CPQ: variants seen among roughly 807,000 people sequenced by gnomAD.
CPQ encodes the protein Ser-Met dipeptidase.
Under a neutral mutation model 45.7 loss-of-function variants are expected in CPQ, and 37 were observed. The observed-to-expected ratio is 0.81, with a 90% CI of 0.62 to 1.07. The LOEUF (loss-of-function observed/expected upper bound fraction) is 1.07. Ranked by LOEUF, CPQ falls within the 50% of genes least tolerant of loss-of-function variation. The pLI is 0.00. For synonymous variants in CPQ, 186 were observed against 205.8 expected, an observed-to-expected ratio of 0.90 and a Z score of 0.82; for missense variants, 537 against 572.9, an observed-to-expected ratio of 0.94 and a Z score of 0.64.
chr8:96,906,679 T>A (rs765708331), intron 4 of CPQ, among the ~76,000 whole-genome samples: 53 of 152,200 alleles, frequency 3.5e-4, no homozygotes, highest in African/African-American at 5.3e-4. Context: ...TAGATGGGGC[T>A]TTTTTGCTAT....
intron 5 of CPQ, among the ~76,000 whole-genome samples, chr8:96,966,759 C>T (rs561641087): frequency 1.3e-5 from 2 of 152,222 alleles, no homozygotes; most frequent in South Asian, 4.1e-4. Context: ...TTAAAGAAAA[C>T]AAACTAATTG....
intron 1 of CPQ, among the ~76,000 whole-genome samples, chr8:96,774,355 A>G (rs1586395157): frequency 1.3e-5 from 2 of 152,266 alleles, no homozygotes; most frequent in South Asian, 4.1e-4. Context: ...AATACTGAAC[A>G]GTAAATAGTG....
At chr8:96,984,059 C>G (rs886506999) in intron 5 of CPQ, among the ~76,000 whole-genome samples, 2 of 151,898 alleles carry the variant, frequency 1.3e-5, no homozygotes, top group Non-Finnish European at 2.9e-5. Context: ...GTTTTTCTTA[C>G]CCTCTCTCCT....
chr8:97,079,190 G>C (rs1199106518), intron 7 of CPQ, among the ~76,000 whole-genome samples: 1 of 152,034 alleles, frequency 6.6e-6, no homozygotes, highest in African/African-American at 2.4e-5. Context: ...TATAATGTGG[G>C]GAAGAGAATA....
At chr8:97,113,758 G>T (rs1324564289) in intron 7 of CPQ, among the ~76,000 whole-genome samples, 3 of 152,198 alleles carry the variant, frequency 2.0e-5, no homozygotes, top group Non-Finnish European at 4.4e-5. Context: ...TAACATTAAG[G>T]GAATAAAACG....
At chr8:97,078,476 G>A (rs1179016868) in intron 7 of CPQ, among the ~76,000 whole-genome samples, 1 of 151,954 alleles carries the variant, frequency 6.6e-6, no homozygotes, top group African/African-American at 2.4e-5. Context: ...TTTAAGTTGA[G>A]GACTATAAAA....
chr8:96,954,241 A>T (rs1351047187), intron 4 of CPQ, among the ~76,000 whole-genome samples: 1 of 152,158 alleles, frequency 6.6e-6, no homozygotes, highest in East Asian at 1.9e-4. Flanking sequence ...AATTGAGAAA[A>T]AAAGTCCACT....
intron 6 of CPQ, among the ~76,000 whole-genome samples, chr8:97,045,561 A>G (rs572030780): frequency 2.0e-5 from 3 of 152,326 alleles, no homozygotes; most frequent in African/African-American, 7.2e-5. Flanking sequence ...GAAATGCAGA[A>G]ATCACCTGTC....
chr8:96,802,900 A>G (rs1811024833), intron 2 of CPQ, among the ~76,000 whole-genome samples: 1 of 152,162 alleles, frequency 6.6e-6, no homozygotes, highest in Non-Finnish European at 1.5e-5. Context: ...GAATTATCCT[A>G]CGAAGACTTA....
intron 6 of CPQ, among the ~76,000 whole-genome samples, chr8:97,056,095 T>C (rs966248662): frequency 2.0e-5 from 3 of 146,894 alleles, no homozygotes; most frequent in Admixed American, 2.0e-4. Context: ...TGAGACCCTA[T>C]CTCAAAACAC....
intron 1 of CPQ, among the ~76,000 whole-genome samples, chr8:96,723,098 C>T (rs116153880): frequency 6.6e-6 from 1 of 152,154 alleles, no homozygotes; most frequent in Admixed American, 6.5e-5. Flanking sequence ...CTTGAACATG[C>T]AATCCTTCCA....
intron 1 of CPQ, among the ~76,000 whole-genome samples, chr8:96,673,494 G>T (rs960377617): frequency 6.6e-6 from 1 of 152,108 alleles, no homozygotes; most frequent in Non-Finnish European, 1.5e-5. Context: ...CAAATCAGAG[G>T]TACTTTCCAT....
At chr8:96,672,599 G>A (rs1809018722) in intron 1 of CPQ, among the ~76,000 whole-genome samples, 3 of 152,102 alleles carry the variant, frequency 2.0e-5, no homozygotes, top group East Asian at 1.9e-4. Context: ...CCAAGATGGC[G>A]AAACCCCATC....
At chr8:97,136,751 G>T (rs1812065976) in intron 7 of CPQ, among the ~76,000 whole-genome samples, 1 of 152,200 alleles carries the variant, frequency 6.6e-6, no homozygotes, top group Admixed American at 6.5e-5. Context: ...GTTTCCAGGG[G>T]AGAATATTTG....
chr8:96,992,302 G>T (rs1809107945), intron 5 of CPQ, among the ~76,000 whole-genome samples: 1 of 152,110 alleles, frequency 6.6e-6, no homozygotes, highest in South Asian at 2.1e-4. Context: ...TTATTTTAAA[G>T]CCCCTCTTAC....
chr8:97,075,124 G>C (rs966829360), intron 7 of CPQ, among the ~76,000 whole-genome samples: 4 of 152,228 alleles, frequency 2.6e-5, no homozygotes, highest in Admixed American at 1.3e-4. Context: ...TAAAGGGAAC[G>C]AGGAGCTTGA....
At chr8:96,992,730 G>A (rs1464985726) in intron 5 of CPQ, among the ~76,000 whole-genome samples, 1 of 152,124 alleles carries the variant, frequency 6.6e-6, no homozygotes, top group African/African-American at 2.4e-5. Flanking sequence ...ATAAAGGAGA[G>A]TCTCCCACTT....
intron 1 of CPQ, among the ~76,000 whole-genome samples, chr8:96,698,392 C>G (rs952969447): frequency 1.7e-4 from 26 of 151,966 alleles, no homozygotes; most frequent in Non-Finnish European, 3.5e-4. Context: ...AACCATGAAA[C>G]TACTATAAGA....
intron 4 of CPQ, among the ~76,000 whole-genome samples, chr8:96,886,243 T>C (rs1812305881): frequency 6.6e-6 from 1 of 152,148 alleles, no homozygotes; most frequent in Admixed American, 6.5e-5. Flanking sequence ...AGCAGTCCTC[T>C]GGAAGCTCTG....
Sources: allele counts gnomAD v4.1 joint callset (sites outside exome capture counted in the v4.1 genomes callset), GRCh38; gene constraint gnomAD v4.1.1; transcripts MANE v1.5; gene names NCBI Gene and HGNC (gene_info 2026-07-23, HGNC 2026-07-21).